The following EFCAB13 variants were observed in gnomAD, a reference collection of about 807,000 sequenced individuals.
EFCAB13 encodes the protein EF-hand calcium binding domain 13.
In EFCAB13, 91 loss-of-function variants were observed where a neutral mutation model predicts 110.2. The ratio of observed to expected loss-of-function variants is 0.83; its 90% CI spans 0.70 to 0.98. The LOEUF is 0.98. Among genes scored for constraint, EFCAB13 ranks in the 50% least tolerant of loss-of-function variants. EFCAB13 has a pLI of 0.00. For synonymous variants in EFCAB13, 323 were observed against 369.9 expected, an observed-to-expected ratio of 0.87 and a Z score of 1.45; for missense variants, 968 against 1,119.4, an observed-to-expected ratio of 0.86 and a Z score of 1.93.
intron 2 of EFCAB13, among the ~76,000 whole-genome samples, chr17:47,325,715 C>T (rs1019960167): frequency 1.3e-5 from 2 of 151,768 alleles, no homozygotes; most frequent in African/African-American, 4.8e-5. Context: ...TCAAAAGTCT[C>T]CCTCTCAGTA....
At chr17:47,382,666 T>G (rs2065653397) in intron 14 of EFCAB13, among the ~76,000 whole-genome samples, 1 of 152,220 alleles carries the variant, frequency 6.6e-6, no homozygotes, top group African/African-American at 2.4e-5. Flanking sequence ...CTTTTTGATG[T>G]GTGGCTGGAT....
rs1567810849 is a variant in EFCAB13, at chr17:47,440,437, G to A, written c.2645G>A (p.Gly882Asp). The change falls in exon 25 of 25, where the codon GGC (glycine) becomes GAC (aspartate). Residue 882 changes from glycine (G) to aspartate (D), a missense_variant. Transcript: ENST00000331493. ...MLRHVPEHES[G>D]KVSIQEFMTK... ...ATTATGCTTTGCCTTACAGAAAGTG[G>A]CAAGGTTAGCATTCAAGAATTTATG... 1 of 1,575,032 alleles carries A rather than the reference G, an allele frequency of 6.3e-7. No individual in the cohort carries two copies. Among genetic ancestry groups the A allele is most frequent in the East Asian group, 2.3e-5 (1 of 44,174 alleles).
At chr17:47,345,709 C>G (rs945052624) in intron 8 of EFCAB13, among the ~76,000 whole-genome samples, 3 of 152,188 alleles carry the variant, frequency 2.0e-5, no homozygotes, top group Non-Finnish European at 4.4e-5. Flanking sequence ...ACGTCAACGT[C>G]TTATTCTTCA....
At chr17:47,372,501 A>G (rs1301626645) in intron 11 of EFCAB13, among the ~76,000 whole-genome samples, 1 of 152,176 alleles carries the variant, frequency 6.6e-6, no homozygotes, top group African/African-American at 2.4e-5. Context: ...TTATAGTATT[A>G]GTGTATTCTG....
intron 24 of EFCAB13, chr17:47,430,593 T>G (rs1451159080): frequency 1.3e-5 from 2 of 152,170 alleles, no homozygotes; most frequent in Non-Finnish European, 2.9e-5. Context: ...ATGAATAGGA[T>G]TAACAAGGTA....
At chr17:47,375,169 T>C (rs993659253) in intron 12 of EFCAB13, among the ~76,000 whole-genome samples, 3 of 152,186 alleles carry the variant, frequency 2.0e-5, no homozygotes, top group Non-Finnish European at 2.9e-5. Context: ...TCCTCCTGCA[T>C]TGGCCTCCCA....
At position 47,354,922 on chromosome 17, in the gene EFCAB13, A is replaced by G. The variant is rs891528236; in HGVS notation, c.662-6456A>G. ...ATTCTATTCATTGTGCTATTTGTTG[A>G]CAGAATATCTTGTGTTTTTTTCTTG... On this transcript the variant is annotated intron_variant, in intron 9 of 24. Transcript: ENST00000331493. Among the ~76,000 whole-genome samples the G allele has an allele frequency of 2.6e-5, 4 of 152,116 alleles. No individual in the cohort carries two copies. The East Asian group carries it at 5.8e-4, about 22-fold the overall frequency.
rs749756434 is a variant in EFCAB13 at position 47,412,759 on chromosome 17, A to C, written c.2279-14A>C. 5 of 1,607,826 alleles carry C rather than the reference A, an allele frequency of 3.1e-6. No individual in the cohort carries two copies. In the East Asian group the frequency reaches 1.1e-4, roughly 36 times the overall value. The stretch of plus-strand genomic sequence containing the variant: ...TTTTACACCATAATAGCTTGTGTAC[A>C]TTTATCTTTGTAGAGATTAAAGAAG... On this transcript the variant is annotated splice_polypyrimidine_tract_variant and intron_variant, in intron 21 of 24. Transcript: ENST00000331493.
chr17:47,416,166 G>A (rs915293880), intron 23 of EFCAB13, among the ~76,000 whole-genome samples: 1 of 151,934 alleles, frequency 6.6e-6, no homozygotes, highest in Non-Finnish European at 1.5e-5. Flanking sequence ...CTTTTAAAGT[G>A]TACCATTCAG....
chr17:47,386,440 T>C (rs983732665), intron 14 of EFCAB13, among the ~76,000 whole-genome samples: 2 of 152,132 alleles, frequency 1.3e-5, no homozygotes, highest in African/African-American at 4.8e-5. Flanking sequence ...TTTTTAGCGC[T>C]GTCAGGGGAA....
intron 23 of EFCAB13, chr17:47,423,545 G>C (rs939721537): frequency 3.6e-5 from 11 of 301,476 alleles, no homozygotes; most frequent in African/African-American, 2.2e-4. Flanking sequence ...GGCCGTGCCA[G>C]GCACGGTGCC....
intron 13 of EFCAB13, 131 bp from the exon 14 acceptor site, chr17:47,379,051 T>C: frequency 4.7e-6 from 3 of 639,630 alleles, no homozygotes; most frequent in Non-Finnish European, 8.2e-6. Context: ...TTATGAGACA[T>C]GATATGAAGG....
At position 47,399,670 on chromosome 17, in the gene EFCAB13, C is replaced by T. The variant is rs141997534; in HGVS notation, c.1946-2462C>T. On this transcript the variant is annotated intron_variant, in intron 17 of 24. Transcript: ENST00000331493. ...AAAAAACCCTGAAAAACAACTGATT[C>T]AGATTCTCTCTAGTGAAATTGAAGA... Among the ~76,000 whole-genome samples, 428 of 151,996 alleles carry T rather than the reference C, an allele frequency of 2.8e-3. 3 individuals are homozygous for T. Among genetic ancestry groups the T allele is most frequent in the African/African-American group, 9.9e-3 (411 of 41,500 alleles).
Position 47,441,156 on chromosome 17 carries a change from G to A in EFCAB13, c.*442G>A, listed in dbSNP as rs527400275. 1.3e-5 allele frequency: 2 copies of A among 152,676 alleles called. No homozygotes were observed. The highest frequency in any genetic ancestry group is 1.3e-4 in the Admixed American group (2 of 15,316). The allele number at this position is 152,676 out of a possible 1,614,324, so 9.5% of individuals were successfully genotyped here. ...TCATGTAAATGATTAAATATGAAGT[G>A]GTTTGAGTTTGGCAGTCATTGCATG... On this transcript the variant is annotated 3_prime_UTR_variant, in exon 25 of 25. Coordinates refer to ENST00000331493, the MANE Select transcript of EFCAB13 (RefSeq NM_152347.5).
intron 16 of EFCAB13, among the ~76,000 whole-genome samples, chr17:47,395,336 A>G (rs1395648759): frequency 6.6e-6 from 1 of 152,200 alleles, no homozygotes; most frequent in Admixed American, 6.5e-5. Flanking sequence ...TCCATTCTCT[A>G]TATAGCAGCA....
chr17:47,347,706 T>A (rs971252949), intron 8 of EFCAB13, 102 bp from the exon 9 acceptor site: 5 of 898,828 alleles, frequency 5.6e-6, no homozygotes, highest in Middle Eastern at 3.5e-4. Context: ...AAAACACAGA[T>A]TGGCTCCCTT....
chr17:47,328,431 A>G, intron 4 of EFCAB13, 48 bp downstream of exon 4: 3 of 1,467,730 alleles, frequency 2.0e-6, no homozygotes, highest in Middle Eastern at 4.9e-4. Context: ...CTTCTTTTTA[A>G]AATTAGTTTA....
chr17:47,396,059 A>G (rs1178374097), intron 17 of EFCAB13, 82 bp downstream of exon 17: 1 of 1,237,168 alleles, frequency 8.1e-7, no homozygotes, highest in Non-Finnish European at 1.1e-6. Context: ...TGTATCTTGT[A>G]CTTGGCGAGA....
rs923998190 is a variant in EFCAB13, at chr17:47,381,237, T to G, written c.1582+1984T>G. ...CTTGTAAATTTGTTTAAGTGCTTTG[T>G]AGATTCTGAATATCAGCCCTTTGTC... is the stretch of plus-strand genomic sequence containing the variant. On this transcript the variant is annotated intron_variant, in intron 14 of 24. Coordinates refer to ENST00000331493, the MANE Select transcript of EFCAB13 (RefSeq NM_152347.5). Among the ~76,000 whole-genome samples, 5 of 152,320 alleles carry G rather than the reference T, an allele frequency of 3.3e-5. 1 individual carries two copies. Among genetic ancestry groups the G allele is most frequent in the Admixed American group, 2.6e-4 (4 of 15,306 alleles).
Sources: allele counts gnomAD v4.1 joint callset (sites outside exome capture counted in the v4.1 genomes callset), GRCh38; gene constraint gnomAD v4.1.1; transcripts MANE v1.5; gene names NCBI Gene and HGNC (gene_info 2026-07-23, HGNC 2026-07-21).